The following INSYN2A variants were observed in gnomAD, a reference collection of about 807,000 sequenced individuals.
The protein encoded by INSYN2A is inhibitory synaptic factor 2A, also known as family with sequence similarity 196 member A.
Under a neutral mutation model 39.4 loss-of-function variants are expected in INSYN2A, and 17 were observed. The ratio of observed to expected loss-of-function variants is 0.43; its 90% confidence interval spans 0.30 to 0.65. The LOEUF (loss-of-function observed/expected upper bound fraction) is 0.65. Ranked by LOEUF, INSYN2A falls within the 30% of genes least tolerant of loss-of-function variation. INSYN2A has a pLI of 0.14. For synonymous variants in INSYN2A, 255 were observed against 265.7 expected (o/e 0.96, Z 0.39); for missense variants, 595 against 631.2 (o/e 0.94, Z 0.61).
intron 2 of INSYN2A, among the ~76,000 whole-genome samples, chr10:127,188,998 G>T (rs1839608534): frequency 8.5e-5 from 13 of 152,194 alleles, no homozygotes; most frequent in Admixed American, 8.5e-4. Flanking sequence ...TGTGAGCTGG[G>T]TCAGGGCTCA....
intron 4 of INSYN2A, among the ~76,000 whole-genome samples, chr10:127,173,230 G>T (rs2054747362): frequency 6.9e-6 from 1 of 145,204 alleles, no homozygotes; most frequent in African/African-American, 2.4e-5. Flanking sequence ...GTCACCCCAT[G>T]TCATTCCATC....
chr10:127,172,100 T>G (rs112052436), intron 4 of INSYN2A, among the ~76,000 whole-genome samples: 1 of 152,310 alleles, frequency 6.6e-6, no homozygotes, highest in South Asian at 2.1e-4. Context: ...TGTTTTCTTT[T>G]TTTGTTTGTT....
chr10:127,179,907 A>T (rs2055563240), intron 2 of INSYN2A, among the ~76,000 whole-genome samples: 1 of 152,186 alleles, frequency 6.6e-6, no homozygotes, highest in Non-Finnish European at 1.5e-5. Flanking sequence ...TGTTTTCTAG[A>T]TTTGATCCTC....
chr10:127,160,896 C>T (rs539626341), intron 4 of INSYN2A, among the ~76,000 whole-genome samples: 82 of 152,330 alleles, frequency 5.4e-4, no homozygotes, highest in African/African-American at 1.6e-3. Flanking sequence ...TGTCTCTTCT[C>T]GATAACTAAG....
chr10:127,171,703 AT>A (rs1312731627), intron 4 of INSYN2A, among the ~76,000 whole-genome samples: 1 of 151,858 alleles, frequency 6.6e-6, no homozygotes. Flanking sequence ...AGTTCCATTG[AT>A]TTTATTTTTA....
intron 4 of INSYN2A, among the ~76,000 whole-genome samples, chr10:127,157,661 T>C (rs2053213403): frequency 6.6e-6 from 1 of 152,254 alleles, no homozygotes; most frequent in Non-Finnish European, 1.5e-5. Context: ...TCTGTGGTCA[T>C]TCTTTTTTTA....
At chr10:127,184,728 GTC>G (rs1440942947) in intron 2 of INSYN2A, among the ~76,000 whole-genome samples, 1 of 152,182 alleles carries the variant, frequency 6.6e-6, no homozygotes, top group Non-Finnish European at 1.5e-5. Context: ...ACCATGGTCA[GTC>G]TCTACTTTGT....
Position 127,175,387 on chromosome 10 carries a change from G to T in INSYN2A, c.1009C>A (p.Pro337Thr), listed in dbSNP as rs1037576344. ...TPPGLGNQPS[P>T]TAVAAGEECQ... The stretch of plus-strand genomic sequence containing the variant: ...TCTTCACCTGCAGCAACCGCTGTGG[G>T]ACTAGGCTGGTTCCCCAGCCCCGGC... The change falls in exon 4 of 6, where the codon CCC becomes ACC. Residue 337 changes from proline to threonine, a missense_variant. Coordinates refer to ENST00000522781, the MANE Select transcript of INSYN2A (RefSeq NM_001039762.3). This position sits in a 1 kb window ranked among gnomAD's most constrained non-coding sequence, Gnocchi z 6.3. 1 of 1,613,752 alleles carries T rather than the reference G, an allele frequency of 6.2e-7. No homozygotes were observed. The highest frequency in any genetic ancestry group is 8.5e-7 in the Non-Finnish European group (1 of 1,180,052).
At chr10:127,186,504 A>AAC (rs2056247683) in intron 2 of INSYN2A, among the ~76,000 whole-genome samples, 1 of 9,000 alleles carries the variant, frequency 1.1e-4, no homozygotes, top group African/African-American at 3.5e-4. Context: ...CATGGGAGAA[A>AAC]CCGCCCCCCC....
intron 4 of INSYN2A, among the ~76,000 whole-genome samples, chr10:127,160,854 T>C (rs2053537958): frequency 6.6e-6 from 1 of 152,260 alleles, no homozygotes; most frequent in Non-Finnish European, 1.5e-5. Context: ...CGTTTTTTTC[T>C]TCTGCATTCT....
chr10:127,163,582 C>G (rs1206994471), intron 4 of INSYN2A, among the ~76,000 whole-genome samples: 1 of 152,130 alleles, frequency 6.6e-6, no homozygotes, highest in Admixed American at 6.5e-5. Context: ...TTTGGGTGAA[C>G]TGATAACATG....
At chr10:127,183,704 A>G (rs1458028086) in intron 2 of INSYN2A, among the ~76,000 whole-genome samples, 1 of 152,204 alleles carries the variant, frequency 6.6e-6, no homozygotes, top group Non-Finnish European at 1.5e-5. Context: ...GTGTGCACAG[A>G]GCGAAATTTT....
Position 127,137,839 on chromosome 10 carries a change from A to G in INSYN2A, c.1438T>C (p.Ter480GlnextTer12), listed in dbSNP as rs1385400813. Reference sequence around the variant, plus strand: ...CGAGACTCCAGACACCGTGAGTGTTAAAGGAACCAGAGTTTCCATCTTCCG... The same window carrying G: ...CGAGACTCCAGACACCGTGAGTGTTGAAGGAACCAGAGTTTCCATCTTCCG... ...KHGRWKLWFL[*>Q] Residue 480 changes from the stop codon to glutamine, a stop_lost, in exon 6 of 6, where the codon TAA becomes CAA. Transcript: ENST00000522781. The G allele has an allele frequency of 1.2e-6, 2 of 1,612,804 alleles. No individual in the cohort carries two copies. The highest frequency in any genetic ancestry group is 2.7e-5 in the African/African-American group (2 of 74,790).
intron 5 of INSYN2A, 38 bp downstream of exon 5, chr10:127,153,814 C>G: frequency 6.8e-7 from 1 of 1,474,372 alleles, no homozygotes; most frequent in Non-Finnish European, 9.5e-7. Flanking sequence ...ATTTGTCACT[C>G]ATAATAAGAA....
At position 127,154,013 on chromosome 10, in the gene INSYN2A, A is replaced by G. The variant is rs1374642615; in HGVS notation, c.1185-90T>C. On this transcript the variant is annotated intron_variant, in intron 4 of 5. Coordinates refer to ENST00000522781, the MANE Select transcript of INSYN2A (RefSeq NM_001039762.3). ...ATGCCTCAAATCAAATGCCTTCCCA[A>G]TGCCAAGCTCATCATGGTCATGGAA... 8.2e-6 allele frequency: 7 copies of G among 850,354 alleles called. No homozygotes were observed. The African/African-American group carries it at 8.4e-5, about 10-fold the overall frequency. The allele number at this position is 850,354 out of a possible 1,614,324, so 52.7% of individuals were successfully genotyped here.
intron 4 of INSYN2A, among the ~76,000 whole-genome samples, chr10:127,164,672 A>C (rs2053923070): frequency 6.6e-6 from 1 of 152,254 alleles, no homozygotes; most frequent in Admixed American, 6.5e-5. Context: ...TTATTAAGGC[A>C]GGACTTTTTA....
At chr10:127,146,103 A>T in intron 5 of INSYN2A, 2 of 507,256 alleles carry the variant, frequency 3.9e-6, no homozygotes, top group Non-Finnish European at 7.8e-6. Context: ...CTCCATACTC[A>T]TCTAAACATG....
At chr10:127,177,814 A>G (rs1034419116) in intron 2 of INSYN2A, among the ~76,000 whole-genome samples, 1 of 152,382 alleles carries the variant, frequency 6.6e-6, no homozygotes, top group Middle Eastern at 3.4e-3. Context: ...GCTCGTTCAC[A>G]TACAGAATGC....
chr10:127,138,030 A>G lies in INSYN2A; in HGVS notation c.1257-10T>C. 3 of 1,597,836 alleles carry G rather than the reference A, an allele frequency of 1.9e-6. No homozygotes were observed. The highest frequency in any genetic ancestry group is 2.6e-6 in the Non-Finnish European group (3 of 1,174,620). On this transcript the variant is annotated splice_polypyrimidine_tract_variant and intron_variant, in intron 5 of 5. Coordinates refer to ENST00000522781, the MANE Select transcript of INSYN2A (RefSeq NM_001039762.3). Reference sequence around the variant, plus strand: ...AAAATCCAGCTCCACACTAGAAAAGAGAGAGAGTGAAGACTTTAGCATTTG... The same window carrying G: ...AAAATCCAGCTCCACACTAGAAAAGGGAGAGAGTGAAGACTTTAGCATTTG...
Sources: allele counts gnomAD v4.1 joint callset (sites outside exome capture counted in the v4.1 genomes callset), GRCh38; gene constraint gnomAD v4.1.1; non-coding constraint Gnocchi (gnomAD v3.1); transcripts MANE v1.5; gene names NCBI Gene and HGNC (gene_info 2026-07-23, HGNC 2026-07-21).